MID1: variants seen among roughly 807,000 people sequenced by gnomAD.
MID1 encodes midline 1, also known as E3 ubiquitin-protein ligase Midline-1.
MID1 carries 7 observed loss-of-function variants against 40.4 expected under a neutral mutation model. The ratio of observed to expected loss-of-function variants is 0.17; its 90% CI spans 0.10 to 0.33. The LOEUF (loss-of-function observed/expected upper bound fraction) is 0.33, where lower values mean the gene tolerates loss of function less well. Among genes scored for constraint, MID1 ranks in the 10% least tolerant of loss-of-function variants. The pLI is 1.00. For missense variants in MID1, 367 were observed against 558.5 expected (o/e 0.66, Z 3.46); for synonymous variants, 229 against 221.2 (o/e 1.04, Z -0.31).
intron 5 of MID1, among the ~76,000 whole-genome samples, chrX:10,480,299 T>C (rs1036119402): frequency 8.9e-6 from 1 of 112,168 alleles, no homozygotes; most frequent in Non-Finnish European, 1.9e-5. Flanking sequence ...CTGAGGGAGA[T>C]TGTATGTGGG....
intron 1 of MID1, among the ~76,000 whole-genome samples, chrX:10,727,429 G>T (rs2043401855): frequency 8.9e-6 from 1 of 112,747 alleles, no homozygotes; most frequent in Non-Finnish European, 1.9e-5. Context: ...TCATCATTAT[G>T]ATTTTTAAAT....
At chrX:10,822,593 A>G (rs1308183030) in intron 1 of MID1, among the ~76,000 whole-genome samples, 2 of 112,038 alleles carry the variant, frequency 1.8e-5, no homozygotes, top group African/African-American at 6.5e-5. Context: ...TCCATCCTAC[A>G]AAGGTCTAAT....
intron 2 of MID1, among the ~76,000 whole-genome samples, chrX:10,532,667 A>G (rs745868651): frequency 1.7e-4 from 19 of 112,628 alleles, no homozygotes; most frequent in African/African-American, 6.1e-4. Flanking sequence ...CTTTCAAATC[A>G]GGAGATATTC....
intron 1 of MID1, among the ~76,000 whole-genome samples, chrX:10,648,881 G>T (rs1238373920): frequency 9.0e-6 from 1 of 111,090 alleles, no homozygotes; most frequent in East Asian, 2.8e-4. Context: ...TTACTATTAC[G>T]TTTGAATATG....
At chrX:10,661,514 CG>C (rs755958342) in intron 1 of MID1, among the ~76,000 whole-genome samples, 26 of 109,710 alleles carry the variant, frequency 2.4e-4, no homozygotes, top group African/African-American at 8.3e-4. Context: ...GGGTTTCCAC[CG>C]TGTTAGCCAG....
At chrX:10,753,358 C>T (rs896229214) in intron 1 of MID1, among the ~76,000 whole-genome samples, 2 of 110,553 alleles carry the variant, frequency 1.8e-5, no homozygotes, top group Non-Finnish European at 3.8e-5. Flanking sequence ...CATGCCAAAA[C>T]CCTTATGAAA....
chrX:10,810,374 A>G (rs1234249552), intron 1 of MID1, among the ~76,000 whole-genome samples: 1 of 112,186 alleles, frequency 8.9e-6, no homozygotes, highest in African/African-American at 3.2e-5. Context: ...CCTGAATAAA[A>G]TTCCATTGTA....
chrX:10,486,700 T>A (rs2147305859), intron 4 of MID1, among the ~76,000 whole-genome samples: 1 of 112,289 alleles, frequency 8.9e-6, no homozygotes, highest in South Asian at 3.7e-4. Context: ...TCTGAGATAA[T>A]GTTGCTGAGC....
chrX:10,621,279 G>A (rs1935930834), upstream of MID1, among the ~76,000 whole-genome samples: 1 of 111,821 alleles, frequency 8.9e-6, no homozygotes. Flanking sequence ...GGGTTGATCT[G>A]TTGAACTTAT....
intron 1 of MID1, among the ~76,000 whole-genome samples, chrX:10,711,593 G>A (rs2043267930): frequency 8.9e-6 from 1 of 111,989 alleles, no homozygotes; most frequent in East Asian, 2.8e-4. Flanking sequence ...TTCAATTGTG[G>A]TTTTCATCTC....
At chrX:10,687,721 C>T (rs1686154059) in intron 1 of MID1, among the ~76,000 whole-genome samples, 1 of 111,540 alleles carries the variant, frequency 9.0e-6, no homozygotes, top group African/African-American at 3.3e-5. Context: ...CAACATTAAA[C>T]ATTTTTTAAA....
chrX:10,486,742 C>A (rs943788246), intron 4 of MID1, among the ~76,000 whole-genome samples: 1 of 112,481 alleles, frequency 8.9e-6, no homozygotes. Context: ...TGAAGCATTC[C>A]ATACATACAA....
intron 1 of MID1, among the ~76,000 whole-genome samples, chrX:10,570,926 A>G (rs1934703827): frequency 8.9e-6 from 1 of 112,024 alleles, no homozygotes; most frequent in Non-Finnish European, 1.9e-5. Flanking sequence ...ATTCTCAGAG[A>G]GGTATGAATA....
intron 1 of MID1, among the ~76,000 whole-genome samples, chrX:10,716,223 G>A (rs1274859321): frequency 2.7e-5 from 3 of 112,059 alleles, no homozygotes; most frequent in African/African-American, 9.7e-5. Flanking sequence ...AGAGAAGAAG[G>A]CTTCAGACGA....
chrX:10,640,556 A>C (rs1402097582), intron 1 of MID1, among the ~76,000 whole-genome samples: 1 of 111,524 alleles, frequency 9.0e-6, no homozygotes, highest in Admixed American at 9.5e-5. Flanking sequence ...ACTCCCACAC[A>C]ATAATAATGG....
chrX:10,811,457 G>C (rs2044101130), intron 1 of MID1, among the ~76,000 whole-genome samples: 1 of 112,369 alleles, frequency 8.9e-6, no homozygotes, highest in Non-Finnish European at 1.9e-5. Flanking sequence ...AGACACTTCT[G>C]TCTGCTAACA....
chrX:10,465,088 G>A, intron 7 of MID1, among the ~76,000 whole-genome samples: 1 of 106,476 alleles, frequency 9.4e-6, no homozygotes, highest in Non-Finnish European at 1.9e-5. Context: ...GGAGGCTGAG[G>A]CAGGAGAATC....
chrX:10,461,948 C>T (rs144406642), intron 7 of MID1, among the ~76,000 whole-genome samples: 4 of 111,990 alleles, frequency 3.6e-5, no homozygotes, highest in East Asian at 2.8e-4. Context: ...GGTGGGGGAA[C>T]GCTTTCAGTA....
At chrX:10,512,460 T>C (rs766346310) in intron 3 of MID1, among the ~76,000 whole-genome samples, 6 of 112,954 alleles carry the variant, frequency 5.3e-5, no homozygotes, top group Non-Finnish European at 1.1e-4. Flanking sequence ...CTGTGGTTAT[T>C]TGAATGATGT....
Sources: gnomAD v4.1 joint callset for allele counts (sites outside exome capture counted in the v4.1 genomes callset) on GRCh38, gnomAD v4.1.1 for gene constraint, MANE v1.5 for transcripts, NCBI Gene and HGNC (gene_info 2026-07-23, HGNC 2026-07-21) for gene names.